The following ROBO2 variants were observed in gnomAD, a reference collection of about 807,000 sequenced individuals.
ROBO2 encodes roundabout guidance receptor 2, also known as roundabout homolog 2.
A neutral mutation model predicts 160.8 loss-of-function variants in ROBO2; 53 were observed. That is an observed-to-expected ratio of 0.33 (90% CI 0.26 to 0.41). The LOEUF is 0.41. Ranked by LOEUF, ROBO2 falls within the 10% of genes least tolerant of loss-of-function variation. ROBO2 has a pLI of 1.00. For missense variants in ROBO2, 1,577 were observed against 1,722.4 expected, an observed-to-expected ratio of 0.92 and a Z score of 1.49; for synonymous variants, 664 against 611.7, an observed-to-expected ratio of 1.09 and a Z score of -1.26.
rs140842364 is a variant in ROBO2, at chr3:76,020,353, C to T, written c.109+82751C>T. On this transcript the variant is annotated intron_variant, in intron 2 of 26. Transcript: ENST00000487694. ...TTTAACTAGAAAGTTAATTTTTTTA[C>T]ATTTATTACGATGACCGTTATATTT... 4.8e-3 allele frequency among the ~76,000 whole-genome samples: 726 copies of T among 151,780 alleles called. 5 individuals are homozygous for T. Among genetic ancestry groups the T allele is most frequent in the African/African-American group, 0.017 (698 of 41,478 alleles).
chr3:76,476,469 A>C (rs558997636), intron 2 of ROBO2, among the ~76,000 whole-genome samples: 6 of 152,196 alleles, frequency 3.9e-5, no homozygotes, highest in African/African-American at 1.4e-4. Flanking sequence ...TGTCTGTTGA[A>C]ACAGTTCTCT....
chr3:77,075,597 TA>T (rs2067889404), intron 1 of ROBO2, among the ~76,000 whole-genome samples: 2 of 151,790 alleles, frequency 1.3e-5, no homozygotes, highest in African/African-American at 4.8e-5. Flanking sequence ...TAAATGTTGA[TA>T]TATACAACAA....
chr3:76,595,871 C>G (rs1393526735), intron 2 of ROBO2, among the ~76,000 whole-genome samples: 1 of 151,978 alleles, frequency 6.6e-6, no homozygotes, highest in African/African-American at 2.4e-5. Flanking sequence ...TTCAGCCAGT[C>G]AGTACCAATC....
intron 2 of ROBO2, among the ~76,000 whole-genome samples, chr3:77,294,068 A>C (rs1198382332): frequency 2.1e-5 from 3 of 143,254 alleles, no homozygotes; most frequent in Non-Finnish European, 3.0e-5. Context: ...TTGAGGCTAG[A>C]ACAGTAAAGA....
intron 2 of ROBO2, among the ~76,000 whole-genome samples, chr3:76,430,110 G>T (rs1200156237): frequency 2.0e-5 from 3 of 152,090 alleles, no homozygotes; most frequent in Non-Finnish European, 4.4e-5. Flanking sequence ...AGACATTAGG[G>T]TCTCTAGTTT....
chr3:76,128,964 TGGACTTTA>T (rs1040982940), intron 2 of ROBO2, among the ~76,000 whole-genome samples: 7 of 152,094 alleles, frequency 4.6e-5, no homozygotes, highest in African/African-American at 1.7e-4. Flanking sequence ...ACTCGTCTTC[TGGACTTTA>T]GGGAATTTAC....
At chr3:77,207,394 T>A (rs954974156) in intron 2 of ROBO2, among the ~76,000 whole-genome samples, 1 of 152,232 alleles carries the variant, frequency 6.6e-6, no homozygotes, top group Non-Finnish European at 1.5e-5. Flanking sequence ...CTAACTCTTC[T>A]ATATGACATA....
chr3:77,465,389 G>C lies in ROBO2; in HGVS notation c.389-12025G>C, dbSNP rs2082668103. ...GATTTGCTTCCTCTCTGCACAGAAA[G>C]GAAATGGCTATGATTATTTTTTATC... On this transcript the variant is annotated intron_variant, in intron 2 of 25. Coordinates refer to ENST00000461745, the Ensembl canonical transcript of ROBO2. 3.9e-5 allele frequency among the ~76,000 whole-genome samples: 6 copies of C among 152,090 alleles called. No individual in the cohort carries two copies. In the South Asian group the frequency reaches 1.2e-3, roughly 32 times the overall value.
At chr3:77,206,273 G>T (rs1359034872) in intron 2 of ROBO2, among the ~76,000 whole-genome samples, 2 of 152,018 alleles carry the variant, frequency 1.3e-5, no homozygotes, top group Non-Finnish European at 2.9e-5. Context: ...GGGTTCAAGC[G>T]ATTGTCCTGC....
chr3:76,993,757 A>G (rs2060825708), intron 2 of ROBO2, among the ~76,000 whole-genome samples: 1 of 152,132 alleles, frequency 6.6e-6, no homozygotes, highest in African/African-American at 2.4e-5. Flanking sequence ...CATGAGACCC[A>G]TGGGAGTTAT....
intron 2 of ROBO2, among the ~76,000 whole-genome samples, chr3:77,107,517 C>G (rs1386273665): frequency 6.6e-6 from 1 of 152,112 alleles, no homozygotes; most frequent in Non-Finnish European, 1.5e-5. Flanking sequence ...AATATACCAA[C>G]AAGAAATATT....
chr3:77,586,106 C>T (rs77814403), intron 16 of ROBO2, among the ~76,000 whole-genome samples: 5,432 of 152,142 alleles, frequency 0.036, 202 homozygotes, highest in East Asian at 0.13. Context: ...CTTACACTGG[C>T]GTAACATTGG....
At chr3:76,897,141 A>G (rs1234002773) in intron 2 of ROBO2, among the ~76,000 whole-genome samples, 3 of 152,178 alleles carry the variant, frequency 2.0e-5, no homozygotes, top group Non-Finnish European at 1.5e-5. Flanking sequence ...AACTACGTTA[A>G]GCAGTTTTCA....
At chr3:77,274,748 G>A (rs1297650451) in intron 2 of ROBO2, among the ~76,000 whole-genome samples, 2 of 152,160 alleles carry the variant, frequency 1.3e-5, no homozygotes, top group Non-Finnish European at 2.9e-5. Context: ...CCCGCCCTCT[G>A]TGAAGAGTTT....
chr3:76,664,376 A>T (rs2091941247), intron 2 of ROBO2, among the ~76,000 whole-genome samples: 1 of 152,164 alleles, frequency 6.6e-6, no homozygotes, highest in South Asian at 2.1e-4. Flanking sequence ...ACCAGGAAGA[A>T]TCATGTGCCT....
At chr3:77,416,273 A>G (rs9835575) in intron 2 of ROBO2, among the ~76,000 whole-genome samples, 17,869 of 152,168 alleles carry the variant, frequency 0.12, 1,303 homozygotes, top group East Asian at 0.25. Flanking sequence ...GTGGGCCTGG[A>G]GAATGCACCA....
chr3:75,937,832 G>A (rs1356691456), intron 2 of ROBO2, among the ~76,000 whole-genome samples: 1 of 72,234 alleles, frequency 1.4e-5, no homozygotes, highest in Non-Finnish European at 2.5e-5. Context: ...TTATCTGTTG[G>A]AATTGATTTT....
chr3:76,307,386 T>C (rs954862479), intron 2 of ROBO2, among the ~76,000 whole-genome samples: 1 of 152,210 alleles, frequency 6.6e-6, no homozygotes, highest in African/African-American at 2.4e-5. Context: ...CTAACCATTC[T>C]TTATGGCCTG....
chr3:76,531,487 T>G (rs973005325), intron 2 of ROBO2, among the ~76,000 whole-genome samples: 1 of 151,648 alleles, frequency 6.6e-6, no homozygotes, highest in Non-Finnish European at 1.5e-5. Flanking sequence ...AATATATTTT[T>G]TAATTAACTT....
Sources: gnomAD v4.1 joint callset for allele counts (sites outside exome capture counted in the v4.1 genomes callset) on GRCh38, gnomAD v4.1.1 for gene constraint, MANE v1.5 for transcripts, NCBI Gene and HGNC (gene_info 2026-07-23, HGNC 2026-07-21) for gene names.